Variants in SDHAF3 observed in about 807,000 individuals in gnomAD.
The protein encoded by SDHAF3 is succinate dehydrogenase complex assembly factor 3.
SDHAF3 carries 18 observed loss-of-function variants against 11.5 expected under a neutral mutation model. The observed-to-expected ratio is 1.56, with a 90% CI of 1.08 to 2.32. SDHAF3 has a LOEUF of 2.32. SDHAF3 is among the 30% of genes most tolerant of loss of function. SDHAF3 has a pLI of 0.00. For synonymous variants in SDHAF3, 72 were observed against 59.3 expected (o/e 1.21, Z -0.99); for missense variants, 200 against 154.4 (o/e 1.30, Z -1.57).
intron 1 of SDHAF3, among the ~76,000 whole-genome samples, chr7:97,118,226 C>T (rs1791438860): frequency 6.6e-6 from 1 of 152,288 alleles, no homozygotes; most frequent in African/African-American, 2.4e-5. Flanking sequence ...TTTTAAGTGC[C>T]TTTGCACCTA....
intron 1 of SDHAF3, among the ~76,000 whole-genome samples, chr7:97,130,357 G>A (rs1791649502): frequency 6.6e-6 from 1 of 151,720 alleles, no homozygotes; most frequent in Admixed American, 6.6e-5. Flanking sequence ...CACCGACAAT[G>A]AGTAAACAAG....
intron 1 of SDHAF3, among the ~76,000 whole-genome samples, chr7:97,173,521 C>T (rs1461610205): frequency 2.7e-5 from 4 of 150,728 alleles, no homozygotes; most frequent in East Asian, 2.0e-4. Context: ...CATGACCATA[C>T]TATTATGTCA....
chr7:97,178,543 A>C (rs764111257), intron 1 of SDHAF3, among the ~76,000 whole-genome samples: 3 of 152,144 alleles, frequency 2.0e-5, no homozygotes, highest in Non-Finnish European at 1.5e-5. Context: ...GGTTTAAAAA[A>C]TTATTATAGT....
At chr7:97,126,845 GAA>G (rs553016957) in intron 1 of SDHAF3, among the ~76,000 whole-genome samples, 2 of 117,596 alleles carry the variant, frequency 1.7e-5, no homozygotes, top group Admixed American at 8.8e-5. Context: ...CTGGAGTACC[GAA>G]AAAAAAAAAA....
intron 1 of SDHAF3, among the ~76,000 whole-genome samples, chr7:97,144,469 C>A (rs533529139): frequency 6.6e-6 from 1 of 152,166 alleles, no homozygotes; most frequent in African/African-American, 2.4e-5. Context: ...AGTCCTTGAT[C>A]CATCTTGAGT....
intron 1 of SDHAF3, among the ~76,000 whole-genome samples, chr7:97,147,980 C>T (rs1429683794): frequency 6.6e-6 from 1 of 151,960 alleles, no homozygotes; most frequent in African/African-American, 2.4e-5. Flanking sequence ...AGGCTCACGG[C>T]AACCTCTCTC....
At chr7:97,164,382 C>CTT (rs200122758) in intron 1 of SDHAF3, among the ~76,000 whole-genome samples, 6,352 of 128,424 alleles carry the variant, frequency 0.049, 436 homozygotes, top group East Asian at 0.28. Context: ...GTTCATAGTT[C>CTT]TTTTTTTTTT....
chr7:97,177,972 C>G (rs1259270524), intron 1 of SDHAF3, among the ~76,000 whole-genome samples: 1 of 152,030 alleles, frequency 6.6e-6, no homozygotes, highest in Non-Finnish European at 1.5e-5. Context: ...TAATTTTTTT[C>G]CTGGACACTG....
rs774497047 is a variant in SDHAF3, at chr7:97,117,748, G to T, written c.25G>T (p.Val9Phe). Residue 9 changes from valine to phenylalanine, a missense_variant, in exon 1 of 2, where the codon GTC becomes TTC. Coordinates refer to ENST00000432641, the MANE Select transcript of SDHAF3 (RefSeq NM_020186.3). ...TATGCCGGGGCGGCACGTTTCTCGA[G>T]TCCGGGCATTGTACAAGCGCGTCTT... MPGRHVSR[V>F]RALYKRVLQL... is the part of the protein sequence containing the mutation. 6.2e-7 allele frequency: 1 copy of T among 1,613,860 alleles called. No individual in the cohort carries two copies. The highest frequency in any genetic ancestry group is 8.5e-7 in the Non-Finnish European group (1 of 1,179,884).
In SDHAF3 at chr7:97,152,019, C is replaced by G. The variant is rs79262991; in HGVS notation, c.175-28993C>G. On this transcript the variant is annotated intron_variant, in intron 1 of 1. Coordinates refer to ENST00000432641, the MANE Select transcript of SDHAF3 (RefSeq NM_020186.3). ...TCATCATTTACATGTAGGGTTTACT[C>G]TTGTTTTCTTACTTTCTGTGAGTTT... is the stretch of plus-strand genomic sequence containing the variant. Among the ~76,000 whole-genome samples, 46 of 152,244 alleles carry G rather than the reference C, an allele frequency of 3.0e-4. No homozygotes were observed. The East Asian group carries it at 8.9e-3, about 29-fold the overall frequency.
chr7:97,135,639 T>TGC (rs1791748884), intron 1 of SDHAF3: 1 of 35,528 alleles, frequency 2.8e-5, no homozygotes. Flanking sequence ...TGTGCGTGCG[T>TGC]GTGTGTGTGT....
intron 1 of SDHAF3, among the ~76,000 whole-genome samples, chr7:97,149,135 A>G (rs1019670911): frequency 1.7e-4 from 26 of 151,864 alleles, no homozygotes; most frequent in Admixed American, 5.9e-4. Context: ...GGGTCTCACT[A>G]TGTTACCCAG....
intron 1 of SDHAF3, among the ~76,000 whole-genome samples, chr7:97,152,910 C>T (rs73233828): frequency 0.14 from 21,629 of 152,176 alleles, 2,027 homozygotes; most frequent in Non-Finnish European, 0.21. Context: ...CCGCCATGCC[C>T]GCCATGGCCT....
At chr7:97,152,490 A>G (rs569603837) in intron 1 of SDHAF3, among the ~76,000 whole-genome samples, 3 of 152,300 alleles carry the variant, frequency 2.0e-5, no homozygotes, top group South Asian at 2.1e-4. Context: ...GGGTCTGGGT[A>G]ACACCAGTGG....
intron 1 of SDHAF3, among the ~76,000 whole-genome samples, chr7:97,167,434 G>A (rs1162523579): frequency 6.6e-6 from 1 of 152,100 alleles, no homozygotes; most frequent in Non-Finnish European, 1.5e-5. Context: ...AAATTACCCA[G>A]TCTCAGGTAG....
At chr7:97,129,265 G>A (rs1453465167) in intron 1 of SDHAF3, among the ~76,000 whole-genome samples, 1 of 152,144 alleles carries the variant, frequency 6.6e-6, no homozygotes, top group Non-Finnish European at 1.5e-5. Flanking sequence ...TTTGCTTCCT[G>A]CTCCTGATTT....
chr7:97,181,617 T>TA lies in SDHAF3; in HGVS notation c.*402_*403insA, dbSNP rs1473564831. ...TTGTCATTCTGAACATTTTATCACT[T>TA]CTAGTTTAATAATACATACATGATT... On this transcript the variant is annotated 3_prime_UTR_variant, in exon 2 of 2. Coordinates refer to ENST00000432641, the MANE Select transcript of SDHAF3 (RefSeq NM_020186.3). 1.9e-5 allele frequency: 3 copies of TA among 160,348 alleles called. No homozygotes were observed. Among genetic ancestry groups the TA allele is most frequent in the African/African-American group, 7.2e-5 (3 of 41,508 alleles). 9.9% of individuals were successfully genotyped at this position (160,348 alleles called of 1,614,324 possible). A position where few individuals can be genotyped will look rare whatever the true frequency, so the allele number is the denominator to read the frequency against.
In SDHAF3 at chr7:97,178,122, A is replaced by T. The variant is rs1034687944; in HGVS notation, c.175-2890A>T. Among the ~76,000 whole-genome samples the T allele has an allele frequency of 2.6e-5, 4 of 152,084 alleles. No homozygotes were observed. The East Asian group carries it at 7.7e-4, about 29-fold the overall frequency. On this transcript the variant is annotated intron_variant, in intron 1 of 1. Transcript: ENST00000432641. ...ATTCTTTCTGTCTATGAATTTTCCT[A>T]TTCTAGATATTTCATGTAAGTGGAA...
chr7:97,140,753 T>C (rs561763808), intron 1 of SDHAF3, among the ~76,000 whole-genome samples: 300 of 151,946 alleles, frequency 2.0e-3, no homozygotes, highest in African/African-American at 7.0e-3. Context: ...GGAGGATGTA[T>C]GTCGCCTCAG....
Sources: gnomAD v4.1 joint callset for allele counts (sites outside exome capture counted in the v4.1 genomes callset) on GRCh38, gnomAD v4.1.1 for gene constraint, MANE v1.5 for transcripts, NCBI Gene and HGNC (gene_info 2026-07-23, HGNC 2026-07-21) for gene names.